COL12A1: variants seen among roughly 807,000 people sequenced by gnomAD.
The protein encoded by COL12A1 is collagen alpha-1(XII) chain.
In COL12A1, 114 loss-of-function variants were observed where a neutral mutation model predicts 349.7. That is an observed-to-expected ratio of 0.33 (90% CI 0.28 to 0.38). The LOEUF (loss-of-function observed/expected upper bound fraction) is 0.38. Ranked by LOEUF, COL12A1 falls within the 10% of genes least tolerant of loss-of-function variation. COL12A1 has a pLI of 1.00. For synonymous variants in COL12A1, 1,369 were observed against 1,329.0 expected (o/e 1.03, Z -0.66); for missense variants, 3,284 against 3,756.9 (o/e 0.87, Z 3.29).
At position 75,090,166 on chromosome 6, in the gene COL12A1, C is replaced by T; in HGVS notation, c.8885G>A (p.Gly2962Glu). 6.2e-7 allele frequency: 1 copy of T among 1,614,126 alleles called. No homozygotes were observed. Among genetic ancestry groups the T allele is most frequent in the Non-Finnish European group, 8.5e-7 (1 of 1,180,014 alleles). The stretch of plus-strand genomic sequence containing the variant: ...TGTGCCCGGGAAGCCTGGCCGCCCC[C>T]CAGGCCCAGGTTCTCCTCTGGCTCC... ...SAGARGEPGP[G>E]GRPGFPGTPG... Residue 2962 changes from glycine (G) to glutamate (E), a missense_variant, in exon 63 of 66, where the codon GGG becomes GAG. Around this residue, in one of 2 missense-constraint regions of COL12A1, gnomAD observed 683 missense variants for 932.1 expected, o/e 0.73. Coordinates refer to ENST00000322507, the MANE Select transcript of COL12A1 (RefSeq NM_004370.6). The surrounding 1 kb of genome is among the most constrained non-coding windows in gnomAD (Gnocchi z 4.1).
chr6:75,165,458 T>A (rs1562259307), intron 14 of COL12A1, 49 bp downstream of exon 14: 1 of 1,589,394 alleles, frequency 6.3e-7, no homozygotes, highest in South Asian at 1.1e-5. Context: ...AGCTGATAAC[T>A]ATTGGGTAGC....
At chr6:75,179,028 C>T (rs1261677096) in intron 11 of COL12A1, among the ~76,000 whole-genome samples, 1 of 152,124 alleles carries the variant, frequency 6.6e-6, no homozygotes, top group Non-Finnish European at 1.5e-5. Flanking sequence ...CCACAGATTA[C>T]CCTAGCAGCA....
intron 52 of COL12A1, 21 bp from the exon 53 acceptor site, chr6:75,106,517 C>T (rs779743574): frequency 6.2e-7 from 1 of 1,612,102 alleles, no homozygotes; most frequent in East Asian, 2.2e-5. Context: ...CCAACAGCAA[C>T]ATCAGCTAAA....
At chr6:75,203,351 G>T (rs1036482031) in intron 1 of COL12A1, among the ~76,000 whole-genome samples, 2 of 152,136 alleles carry the variant, frequency 1.3e-5, no homozygotes, top group African/African-American at 4.8e-5. Flanking sequence ...ATCTGAAATG[G>T]ATTATACAGA....
chr6:75,146,651 T>C (rs1285859376), intron 23 of COL12A1, among the ~76,000 whole-genome samples: 2 of 152,190 alleles, frequency 1.3e-5, no homozygotes, highest in Non-Finnish European at 2.9e-5. Context: ...AAAAAATAAA[T>C]TTAAAATAAG....
chr6:75,202,932 TA>T (rs1389952888), intron 1 of COL12A1, 105 bp from the exon 2 acceptor site: 4 of 676,844 alleles, frequency 5.9e-6, no homozygotes, highest in Non-Finnish European at 5.0e-6. Flanking sequence ...AGATCTGCCT[TA>T]AAAACCACAG....
At chr6:75,191,057 C>T (rs910681403) in intron 5 of COL12A1, among the ~76,000 whole-genome samples, 2 of 151,776 alleles carry the variant, frequency 1.3e-5, no homozygotes, top group African/African-American at 4.8e-5. Context: ...GATCTATCCC[C>T]ATAAGTCAGA....
At chr6:75,146,602 T>TTA (rs756526560) in intron 23 of COL12A1, among the ~76,000 whole-genome samples, 12 of 152,130 alleles carry the variant, frequency 7.9e-5, no homozygotes, top group Non-Finnish European at 1.3e-4. Flanking sequence ...TCACAGAACT[T>TTA]TATATATATG....
chr6:75,099,725 C>T (rs1193595772), intron 58 of COL12A1, among the ~76,000 whole-genome samples: 6 of 152,208 alleles, frequency 3.9e-5, no homozygotes, highest in Non-Finnish European at 8.8e-5. Flanking sequence ...CATAGATACA[C>T]ATGTACAGAT....
At chr6:75,202,996 G>A (rs1180834189) in intron 1 of COL12A1, among the ~76,000 whole-genome samples, 169 bp from the exon 2 acceptor site, 3 of 152,212 alleles carry the variant, frequency 2.0e-5, no homozygotes, top group East Asian at 3.8e-4. Flanking sequence ...AGTCAAGTTC[G>A]TCTACAGAAG....
chr6:75,189,706 A>C lies in COL12A1; in HGVS notation c.504T>G (p.Ser168=), dbSNP rs371436873. 1.2e-6 allele frequency: 2 copies of C among 1,613,486 alleles called. No homozygotes were observed. Among genetic ancestry groups the C allele is most frequent in the South Asian group, 1.1e-5 (1 of 91,068 alleles). The change falls in exon 6 of 66, where the codon TCT becomes TCG. Residue 168 remains serine (S), a synonymous_variant. Transcript: ENST00000322507. ...YILDFIAALV[S]AFDIGEEKTR... is the part of the protein sequence containing the mutation. The stretch of plus-strand genomic sequence containing the variant: ...TCTTCTCTTCCCCAATGTCAAAAGC[A>C]GACACAAGAGCAGCAATGAAGTCTA...
chr6:75,095,610 C>T (rs1170514658), intron 59 of COL12A1, among the ~76,000 whole-genome samples: 2 of 118,644 alleles, frequency 1.7e-5, no homozygotes, highest in Admixed American at 1.1e-4. Context: ...GGCGACAGAG[C>T]GAGACTCCGT....
chr6:75,151,406 ATAATTAGT>A, intron 20 of COL12A1, 119 bp from the exon 21 acceptor site: 6 of 781,852 alleles, frequency 7.7e-6, no homozygotes, highest in Non-Finnish European at 1.0e-5. Flanking sequence ...TGAAGGTTTA[ATAATTAGT>A]TAACTAAAAC....
At chr6:75,131,062 T>C in intron 35 of COL12A1, 81 bp from the exon 36 acceptor site, 1 of 1,566,410 alleles carries the variant, frequency 6.4e-7, no homozygotes, top group East Asian at 2.2e-5. Context: ...CACAATAGTA[T>C]TTATAATAAA....
chr6:75,147,544 G>T, intron 23 of COL12A1, 131 bp downstream of exon 23: 1 of 924,094 alleles, frequency 1.1e-6, no homozygotes, highest in Non-Finnish European at 1.6e-6. Flanking sequence ...CCTGCACAAA[G>T]ATGACACTCA....
At chr6:75,101,013 C>G (rs1189310016) in intron 58 of COL12A1, among the ~76,000 whole-genome samples, 1 of 152,138 alleles carries the variant, frequency 6.6e-6, no homozygotes, top group Non-Finnish European at 1.5e-5. Flanking sequence ...GTTCACCATG[C>G]TTCTTATTAA....
At chr6:75,184,226 TCTC>T in intron 8 of COL12A1, 82 bp from the exon 9 acceptor site, 1 of 1,368,072 alleles carries the variant, frequency 7.3e-7, no homozygotes. Flanking sequence ...GACCTTCAAA[TCTC>T]CTTATTCAAA....
At chr6:75,113,449 A>G (rs1199102680) in intron 50 of COL12A1, 136 bp from the exon 51 acceptor site, 2 of 916,668 alleles carry the variant, frequency 2.2e-6, no homozygotes. Flanking sequence ...CAATTAGGAT[A>G]TTTACTGATG....
rs1312291636 is a variant in COL12A1, at chr6:75,085,339, A to G, written c.*1208T>C. 1 of 471,034 alleles carries G rather than the reference A, an allele frequency of 2.1e-6. No individual in the cohort carries two copies. The highest frequency in any genetic ancestry group is 2.3e-5 in the Admixed American group (1 of 42,586). The allele number at this position is 471,034 out of a possible 1,614,324, so 29.2% of individuals were successfully genotyped here. A position where few individuals can be genotyped will look rare whatever the true frequency, so the allele number is the denominator to read the frequency against. ...ATGAAGGGCTCGCGCTCAGGCAGGT[A>G]GGCCCCGCCCTCGGGCACGTAAGGC... On this transcript the variant is annotated 3_prime_UTR_variant, in exon 66 of 66. Transcript: ENST00000322507.
Sources: gnomAD v4.1 joint callset for allele counts (sites outside exome capture counted in the v4.1 genomes callset) on GRCh38, gnomAD v4.1.1 for gene constraint, gnomAD v4.1.1 regional missense constraint, Gnocchi (gnomAD v3.1) non-coding constraint, MANE v1.5 for transcripts, NCBI Gene and HGNC (gene_info 2026-07-23, HGNC 2026-07-21) for gene names.